PCDHA11: variants seen among roughly 807,000 people sequenced by gnomAD.
The protein encoded by PCDHA11 is protocadherin alpha-11.
In PCDHA11, 61 loss-of-function variants were observed where a neutral mutation model predicts 70.3. The ratio of observed to expected loss-of-function variants is 0.87; its 90% CI spans 0.71 to 1.07. PCDHA11 has a LOEUF of 1.07. PCDHA11 is among the 50% of genes least tolerant of loss of function. PCDHA11 has a pLI of 0.00. For synonymous variants in PCDHA11, 633 were observed against 555.1 expected, an observed-to-expected ratio of 1.14 and a Z score of -1.97; for missense variants, 1,324 against 1,237.5, an observed-to-expected ratio of 1.07 and a Z score of -1.05.
chr5:140,997,686 G>T (rs1005092816), intron 3 of PCDHA11, among the ~76,000 whole-genome samples: 1 of 151,980 alleles, frequency 6.6e-6, no homozygotes, highest in Non-Finnish European at 1.5e-5. Flanking sequence ...GTGTGTGTGT[G>T]TGTGTGTGTG....
chr5:140,899,019 G>A (rs2067099712), intron 1 of PCDHA11, among the ~76,000 whole-genome samples: 1 of 151,834 alleles, frequency 6.6e-6, no homozygotes, highest in African/African-American at 2.4e-5. Flanking sequence ...AAGAATGCTT[G>A]TGATTTTTGT....
Position 140,932,248 on chromosome 5 carries a change from T to C in PCDHA11, c.2392-46701T>C, listed in dbSNP as rs1424091954. Among the ~76,000 whole-genome samples the C allele has an allele frequency of 2.6e-5, 4 of 152,016 alleles. No individual in the cohort carries two copies. In the East Asian group the frequency reaches 7.7e-4, roughly 29 times the overall value. On this transcript the variant is annotated intron_variant, in intron 1 of 3. Coordinates refer to ENST00000398640, the MANE Select transcript of PCDHA11 (RefSeq NM_018902.5). ...TTTTTTAGAATGGTATCTAAGAGGG[T>C]ACCTCTGAGATATAAATTTCTACTT... is the stretch of plus-strand genomic sequence containing the variant.
At chr5:140,966,638 T>A in intron 1 of PCDHA11, 2 of 1,090,114 alleles carry the variant, frequency 1.8e-6, no homozygotes, top group South Asian at 2.2e-5. Flanking sequence ...CCAGGCGCTT[T>A]CTAGAGCGTG....
Position 140,870,339 on chromosome 5 carries a change from G to C in PCDHA11, c.1236G>C (p.Leu412=). The C allele has an allele frequency of 6.2e-7, 1 of 1,614,182 alleles. No individual in the cohort carries two copies. Among genetic ancestry groups the C allele is most frequent in the Non-Finnish European group, 8.5e-7 (1 of 1,180,022 alleles). The change falls in exon 1 of 4, where the codon CTG becomes CTC. Residue 412 remains leucine, a synonymous_variant. Coordinates refer to ENST00000398640, the MANE Select transcript of PCDHA11 (RefSeq NM_018902.5). The part of the protein sequence containing the change: ...NYYSLVLDSA[L]DRENVWAYEL... Reference sequence around the variant, plus strand: ...ACTCGTTGGTGCTGGACAGCGCCCTGGACCGCGAGAACGTGTGGGCCTATG... The same window carrying C: ...ACTCGTTGGTGCTGGACAGCGCCCTCGACCGCGAGAACGTGTGGGCCTATG...
At chr5:140,921,961 C>T (rs528457864) in intron 1 of PCDHA11, among the ~76,000 whole-genome samples, 88 of 151,252 alleles carry the variant, frequency 5.8e-4, no homozygotes, top group Non-Finnish European at 9.1e-4. Context: ...TCCCAGAAAA[C>T]CAAAGGAAAA....
At chr5:140,888,994 T>G (rs1486471421) in intron 1 of PCDHA11, among the ~76,000 whole-genome samples, 1 of 152,272 alleles carries the variant, frequency 6.6e-6, no homozygotes, top group African/African-American at 2.4e-5. Context: ...TATGATTTTC[T>G]TATGGCAAAC....
At chr5:140,885,050 C>T (rs1183142093) in intron 1 of PCDHA11, among the ~76,000 whole-genome samples, 3 of 152,164 alleles carry the variant, frequency 2.0e-5, no homozygotes, top group African/African-American at 7.2e-5. Context: ...TTAATGTATA[C>T]ATATACCCAC....
At chr5:140,929,298 A>T in intron 1 of PCDHA11, 1 of 1,591,722 alleles carries the variant, frequency 6.3e-7, no homozygotes, top group South Asian at 1.1e-5. Context: ...GGAATAGGAA[A>T]GGGGATCACG....
At chr5:140,968,507 T>A in intron 1 of PCDHA11, 1 of 1,614,178 alleles carries the variant, frequency 6.2e-7, no homozygotes, top group South Asian at 1.1e-5. Context: ...TCACATTCTG[T>A]ACCCTACCTC....
At position 140,884,506 on chromosome 5, in the gene PCDHA11, G is replaced by C. The variant is rs10076265; in HGVS notation, c.2391+13012G>C. 4,595 of 1,614,168 alleles carry C rather than the reference G, an allele frequency of 2.8e-3. 101 individuals are homozygous for C. In the African/African-American group the frequency reaches 0.053, roughly 19 times the overall value. On this transcript the variant is annotated intron_variant, in intron 1 of 3. Coordinates refer to ENST00000398640, the MANE Select transcript of PCDHA11 (RefSeq NM_018902.5). Reference sequence around the variant, plus strand: ...CTCTAGTGTGCTCCAGCGCGGCAGGGAGTTGGTCGTACTCGCAGCAGAGGC... The same window carrying C: ...CTCTAGTGTGCTCCAGCGCGGCAGGCAGTTGGTCGTACTCGCAGCAGAGGC...
intron 1 of PCDHA11, among the ~76,000 whole-genome samples, chr5:140,954,197 G>T (rs2153701837): frequency 6.6e-6 from 1 of 152,270 alleles, no homozygotes; most frequent in Non-Finnish European, 1.5e-5. Context: ...ATGGGCATTT[G>T]GGTTGATCCC....
rs1019135464 is a variant in PCDHA11, at chr5:140,897,033, A to G, written c.2391+25539A>G. On this transcript the variant is annotated intron_variant, in intron 1 of 3. Transcript: ENST00000398640. ...TATACAACTAAATTATTTAGACCAT[A>G]GTCACCCTATTCTGCTGTCAAATAC... Among the ~76,000 whole-genome samples, 4 of 152,124 alleles carry G rather than the reference A, an allele frequency of 2.6e-5. No homozygotes were observed. The East Asian group carries it at 7.7e-4, about 29-fold the overall frequency.
chr5:140,968,753 C>T (rs782591270), intron 1 of PCDHA11: 8 of 1,614,018 alleles, frequency 5.0e-6, no homozygotes, highest in Non-Finnish European at 6.8e-6. Flanking sequence ...CGTGGTGGTC[C>T]GAGATAATGG....
Position 140,869,218 on chromosome 5 carries a change from G to A in PCDHA11, c.115G>A (p.Ala39Thr). The stretch of plus-strand genomic sequence containing the variant: ...GCTCCACTACTCCGTCTCGGAGGAG[G>A]CCAAACACGGCACCTTCGTGGGCCG... ...GQLHYSVSEE[A>T]KHGTFVGRIA... is the part of the protein sequence containing the mutation. The change falls in exon 1 of 4, where the codon GCC (alanine) becomes ACC (threonine). Residue 39 changes from alanine (A) to threonine (T), a missense_variant. Coordinates refer to ENST00000398640, the MANE Select transcript of PCDHA11 (RefSeq NM_018902.5). 1 of 1,613,824 alleles carries A rather than the reference G, an allele frequency of 6.2e-7. No individual in the cohort carries two copies. The highest frequency in any genetic ancestry group is 8.5e-7 in the Non-Finnish European group (1 of 1,179,938).
chr5:140,968,307 A>G (rs1554230602), intron 1 of PCDHA11: 1 of 1,613,964 alleles, frequency 6.2e-7, no homozygotes, highest in South Asian at 1.1e-5. Context: ...AGGGAGATTC[A>G]AGGGCTGCCA....
At chr5:140,967,207 T>G (rs376266648) in intron 1 of PCDHA11, 16 of 1,613,648 alleles carry the variant, frequency 9.9e-6, no homozygotes, top group Non-Finnish European at 1.1e-5. Flanking sequence ...ACTCACCGCG[T>G]TTCCCGCGGC....
At chr5:140,983,178 A>G (rs1302819191) in intron 3 of PCDHA11, among the ~76,000 whole-genome samples, 2 of 152,158 alleles carry the variant, frequency 1.3e-5, no homozygotes, top group Admixed American at 6.5e-5. Context: ...CCGCCTCACA[A>G]TTTCTTAGTT....
chr5:140,879,310 T>A (rs541864795), intron 1 of PCDHA11, among the ~76,000 whole-genome samples: 1 of 152,296 alleles, frequency 6.6e-6, no homozygotes, highest in African/African-American at 2.4e-5. Context: ...AAAGTAGAAG[T>A]TGACTCTCAC....
At chr5:140,925,989 G>A (rs2082853255) in intron 1 of PCDHA11, among the ~76,000 whole-genome samples, 1 of 152,212 alleles carries the variant, frequency 6.6e-6, no homozygotes, top group East Asian at 1.9e-4. Context: ...GAGCTCGCTG[G>A]CTCCGCTGCC....
Sources: gnomAD v4.1 joint callset for allele counts (sites outside exome capture counted in the v4.1 genomes callset) on GRCh38, gnomAD v4.1.1 for gene constraint, MANE v1.5 for transcripts, NCBI Gene and HGNC (gene_info 2026-07-23, HGNC 2026-07-21) for gene names.